The following CASK variants were observed in gnomAD, a reference collection of about 807,000 sequenced individuals.
The protein encoded by CASK is peripheral plasma membrane protein CASK.
CASK carries 4 observed loss-of-function variants against 82.9 expected under a neutral mutation model. The observed-to-expected ratio is 0.05, with a 90% CI of 0.02 to 0.11. CASK has a LOEUF of 0.11. CASK is among the 10% of genes least tolerant of loss of function. The pLI, the probability that CASK is intolerant of heterozygous loss-of-function variation, is 1.00. For synonymous variants in CASK, 259 were observed against 253.5 expected, an observed-to-expected ratio of 1.02 and a Z score of -0.20; for missense variants, 358 against 720.9, an observed-to-expected ratio of 0.50 and a Z score of 5.76.
At chrX:41,546,895 A>T (rs2065030434) in intron 21 of CASK, among the ~76,000 whole-genome samples, 1 of 111,750 alleles carries the variant, frequency 8.9e-6, no homozygotes, top group East Asian at 2.8e-4. Context: ...CCCTGCTTTG[A>T]CAATTATTAG....
At chrX:41,681,998 C>T (rs1185414860) in intron 5 of CASK, among the ~76,000 whole-genome samples, 1 of 99,082 alleles carries the variant, frequency 1.0e-5, no homozygotes, top group Non-Finnish European at 2.0e-5. Context: ...AGATTGAGGT[C>T]TGCAACTGCA....
At chrX:41,694,974 A>G (rs947293909) in intron 5 of CASK, among the ~76,000 whole-genome samples, 1 of 112,242 alleles carries the variant, frequency 8.9e-6, no homozygotes, top group Non-Finnish European at 1.9e-5. Flanking sequence ...CAGGGCCAGC[A>G]GTGGGCCCAG....
At chrX:41,797,940 T>G (rs754750450) in intron 2 of CASK, among the ~76,000 whole-genome samples, 2 of 112,167 alleles carry the variant, frequency 1.8e-5, no homozygotes, top group South Asian at 7.4e-4. Flanking sequence ...AATGTTAAAA[T>G]GGAAAACTTC....
intron 7 of CASK, among the ~76,000 whole-genome samples, chrX:41,663,705 C>T (rs1004624723): frequency 9.0e-6 from 1 of 111,523 alleles, no homozygotes; most frequent in Admixed American, 9.5e-5. Flanking sequence ...AACTCAAAAA[C>T]GCAGGTGGGG....
intron 2 of CASK, among the ~76,000 whole-genome samples, chrX:41,811,758 T>C (rs1158417312): frequency 1.8e-5 from 2 of 110,986 alleles, no homozygotes; most frequent in East Asian, 5.6e-4. Flanking sequence ...CTAAAGGAAA[T>C]AGAGACATAA....
At chrX:41,854,209 C>CGCGTGCGG (rs1556256724) in intron 1 of CASK, among the ~76,000 whole-genome samples, 60 of 88,201 alleles carry the variant, frequency 6.8e-4, no homozygotes, top group African/African-American at 2.5e-3. Context: ...AACATGCGCG[C>CGCGTGCGG]GCGCGCGGGC....
At chrX:41,530,973 A>G in intron 25 of CASK, 34 bp downstream of exon 25, 1 of 1,137,439 alleles carries the variant, frequency 8.8e-7, no homozygotes, top group African/African-American at 1.8e-5. Flanking sequence ...GCATGCAGGC[A>G]GGATGTCAGA....
chrX:41,778,880 A>G (rs1236294472), intron 3 of CASK, among the ~76,000 whole-genome samples: 1 of 109,939 alleles, frequency 9.1e-6, no homozygotes, highest in African/African-American at 3.3e-5. Context: ...AAAAAAAAAA[A>G]CCCCAAACTC....
In CASK at chrX:41,585,782, C is replaced by G. The variant is rs370798119; in HGVS notation, c.1314+1125G>C. ...AAAAAGAAAAAGAAAAAAAGAAACA[C>G]TATCATAAAACAGCATATATATAAT... On this transcript the variant is annotated intron_variant, in intron 14 of 26. Coordinates refer to ENST00000378163, the MANE Select transcript of CASK (RefSeq NM_001367721.1). The G allele has an allele frequency of 4.6e-5, 5 of 108,967 alleles. No individual in the cohort carries two copies. The East Asian group carries it at 1.4e-3, about 32-fold the overall frequency. The allele number at this position is 108,967 out of a possible 1,213,427, so 9.0% of individuals were successfully genotyped here. A position where few individuals can be genotyped will look rare whatever the true frequency, so the allele number is the denominator to read the frequency against.
chrX:41,628,317 T>G (rs931467580), intron 9 of CASK, among the ~76,000 whole-genome samples: 4 of 112,225 alleles, frequency 3.6e-5, no homozygotes, highest in Non-Finnish European at 7.5e-5. Context: ...TATTATTATT[T>G]TTTTGAGACA....
intron 1 of CASK, among the ~76,000 whole-genome samples, chrX:41,906,221 T>C (rs2072467949): frequency 8.9e-6 from 1 of 112,127 alleles, no homozygotes; most frequent in Admixed American, 9.4e-5. Context: ...ACATCTACTA[T>C]GTACCAGACA....
intron 1 of CASK, among the ~76,000 whole-genome samples, chrX:41,881,974 T>A (rs2071961279): frequency 9.0e-6 from 1 of 111,112 alleles, no homozygotes; most frequent in Non-Finnish European, 1.9e-5. Context: ...TTTACATATA[T>A]CCATAAAGCG....
At chrX:41,546,206 C>T (rs981846947) in intron 21 of CASK, among the ~76,000 whole-genome samples, 1 of 110,911 alleles carries the variant, frequency 9.0e-6, no homozygotes, top group Non-Finnish European at 1.9e-5. Flanking sequence ...AACTCCTGAC[C>T]TCAGGTGATC....
At chrX:41,613,024 C>T (rs1477163686) in intron 11 of CASK, among the ~76,000 whole-genome samples, 2 of 105,290 alleles carry the variant, frequency 1.9e-5, no homozygotes, top group African/African-American at 3.5e-5. Flanking sequence ...GTCAGCCCCC[C>T]GCCTGGCCAG....
chrX:41,718,163 C>A (rs2068095209), intron 5 of CASK, among the ~76,000 whole-genome samples: 1 of 113,344 alleles, frequency 8.8e-6, no homozygotes, highest in African/African-American at 3.2e-5. Flanking sequence ...GATAGCTGTA[C>A]ATGTGGAGGT....
intron 1 of CASK, among the ~76,000 whole-genome samples, chrX:41,895,364 G>C (rs1355692835): frequency 1.8e-5 from 2 of 111,298 alleles, no homozygotes; most frequent in Admixed American, 9.5e-5. Context: ...TGAAAATAAA[G>C]GTATGTTCAT....
chrX:41,875,723 G>C (rs1185189893), intron 1 of CASK, among the ~76,000 whole-genome samples: 1 of 111,017 alleles, frequency 9.0e-6, no homozygotes, highest in African/African-American at 3.3e-5. Context: ...TTCAATACCA[G>C]TACAAAAGAA....
chrX:41,751,876 T>G, intron 3 of CASK, among the ~76,000 whole-genome samples: 1 of 108,889 alleles, frequency 9.2e-6, no homozygotes, highest in Admixed American at 9.9e-5. Flanking sequence ...AGATGCTGTC[T>G]CTACAAAAAA....
intron 26 of CASK, chrX:41,522,167 G>A (rs1048742677): frequency 9.0e-6 from 1 of 111,688 alleles, no homozygotes; most frequent in Non-Finnish European, 1.9e-5. Flanking sequence ...TTCCTGGGAG[G>A]CTGCTGGGAG....
Sources: gnomAD v4.1 joint callset for allele counts (sites outside exome capture counted in the v4.1 genomes callset) on GRCh38, gnomAD v4.1.1 for gene constraint, MANE v1.5 for transcripts, NCBI Gene and HGNC (gene_info 2026-07-23, HGNC 2026-07-21) for gene names.